The following FARS2 variants were observed in gnomAD, a reference collection of about 807,000 sequenced individuals.
FARS2 encodes the protein phenylalanyl-tRNA synthetase 2, mitochondrial.
In FARS2, 40 loss-of-function variants were observed where a neutral mutation model predicts 46.4. The observed-to-expected ratio is 0.86, with a 90% CI of 0.67 to 1.12. The LOEUF (loss-of-function observed/expected upper bound fraction) is 1.12, where lower values mean the gene tolerates loss of function less well. Ranked by LOEUF, FARS2 falls within the 50% of genes most tolerant of loss-of-function variation. The pLI, the probability that FARS2 is intolerant of heterozygous loss-of-function variation, is 0.00. For synonymous variants in FARS2, 234 were observed against 214.9 expected, an observed-to-expected ratio of 1.09 and a Z score of -0.78; for missense variants, 513 against 567.9, an observed-to-expected ratio of 0.90 and a Z score of 0.98.
At chr6:5,738,059 T>A (rs1761064730) in intron 6 of FARS2, among the ~76,000 whole-genome samples, 3 of 152,220 alleles carry the variant, frequency 2.0e-5, no homozygotes, top group South Asian at 4.1e-4. Context: ...CACGCAATCC[T>A]CCCACTTCAG....
At chr6:5,598,263 G>T (rs370470559) in intron 5 of FARS2, among the ~76,000 whole-genome samples, 1 of 152,232 alleles carries the variant, frequency 6.6e-6, no homozygotes, top group African/African-American at 2.4e-5. Flanking sequence ...CCTGCCTGTA[G>T]TTCCCGCTAC....
chr6:5,603,286 G>C (rs1347248702), intron 5 of FARS2, among the ~76,000 whole-genome samples: 1 of 152,102 alleles, frequency 6.6e-6, no homozygotes, highest in Non-Finnish European at 1.5e-5. Context: ...TTGTTAAAAT[G>C]GTTTTCGCCA....
intron 4 of FARS2, among the ~76,000 whole-genome samples, chr6:5,451,008 C>G (rs1484087374): frequency 1.3e-5 from 2 of 152,150 alleles, no homozygotes; most frequent in Non-Finnish European, 2.9e-5. Flanking sequence ...TGACAGGAAT[C>G]TAGTATTTTA....
intron 5 of FARS2, among the ~76,000 whole-genome samples, chr6:5,583,703 C>A (rs1773458457): frequency 6.6e-6 from 1 of 152,124 alleles, no homozygotes; most frequent in Non-Finnish European, 1.5e-5. Flanking sequence ...GAAACTGAGA[C>A]CTAGAAAGGT....
chr6:5,695,915 C>T (rs371654496), intron 6 of FARS2, among the ~76,000 whole-genome samples: 85 of 152,310 alleles, frequency 5.6e-4, no homozygotes, highest in African/African-American at 1.9e-3. Flanking sequence ...AAAAACTCTT[C>T]AACAGTCGGT....
chr6:5,522,729 A>T (rs941111180), intron 4 of FARS2, among the ~76,000 whole-genome samples: 1 of 152,210 alleles, frequency 6.6e-6, no homozygotes, highest in African/African-American at 2.4e-5. Context: ...GACTAACTGG[A>T]TGAATTTTCT....
chr6:5,469,603 A>G (rs1472072806), intron 4 of FARS2, among the ~76,000 whole-genome samples: 3 of 152,198 alleles, frequency 2.0e-5, no homozygotes, highest in African/African-American at 7.2e-5. Flanking sequence ...GGCATCTCTT[A>G]AAGGAACTGG....
intron 4 of FARS2, among the ~76,000 whole-genome samples, chr6:5,530,963 A>T (rs1769789900): frequency 6.7e-6 from 1 of 150,124 alleles, no homozygotes; most frequent in Admixed American, 6.7e-5. Flanking sequence ...TATAAATATT[A>T]ATAAATGTCA....
At chr6:5,403,126 T>G (rs1235278614) in intron 2 of FARS2, among the ~76,000 whole-genome samples, 8 of 152,232 alleles carry the variant, frequency 5.3e-5, no homozygotes, top group Admixed American at 2.0e-4. Context: ...GTCATTGTCT[T>G]TAGTCCTCAT....
intron 6 of FARS2, among the ~76,000 whole-genome samples, chr6:5,767,048 A>G (rs2150985451): frequency 6.6e-6 from 1 of 151,718 alleles, no homozygotes; most frequent in Non-Finnish European, 1.5e-5. Flanking sequence ...ACATTTTGTT[A>G]ATCCATCCAA....
At chr6:5,344,792 CTTT>C (rs757967957) in intron 1 of FARS2, among the ~76,000 whole-genome samples, 3 of 143,622 alleles carry the variant, frequency 2.1e-5, no homozygotes, top group Non-Finnish European at 3.1e-5. Flanking sequence ...TTTCTTTTCT[CTTT>C]TTTTTTTTTT....
chr6:5,286,981 T>G (rs989132878), intron 1 of FARS2, among the ~76,000 whole-genome samples: 1 of 152,260 alleles, frequency 6.6e-6, no homozygotes, highest in African/African-American at 2.4e-5. Flanking sequence ...CTCGCTGCAC[T>G]TGTGGCCCCA....
At chr6:5,724,881 T>G (rs773225689) in intron 6 of FARS2, among the ~76,000 whole-genome samples, 59 of 152,296 alleles carry the variant, frequency 3.9e-4, no homozygotes, top group Non-Finnish European at 6.9e-4. Flanking sequence ...ATATGTTAGG[T>G]CTACTCTGTG....
At chr6:5,356,717 A>G (rs916117669) in intron 1 of FARS2, among the ~76,000 whole-genome samples, 1 of 152,196 alleles carries the variant, frequency 6.6e-6, no homozygotes, top group Non-Finnish European at 1.5e-5. Context: ...CAAAAATGTG[A>G]CCAGAGGCTC....
chr6:5,719,135 C>G (rs1183132966), intron 6 of FARS2, among the ~76,000 whole-genome samples: 1 of 152,118 alleles, frequency 6.6e-6, no homozygotes, highest in Non-Finnish European at 1.5e-5. Context: ...ATAATCCCAG[C>G]ACTTTGGGAG....
intron 1 of FARS2, among the ~76,000 whole-genome samples, chr6:5,328,537 G>A (rs913526885): frequency 1.3e-5 from 2 of 152,098 alleles, no homozygotes; most frequent in African/African-American, 4.8e-5. Flanking sequence ...ATATGATGGG[G>A]GCCAATCTCT....
intron 5 of FARS2, among the ~76,000 whole-genome samples, chr6:5,560,646 C>G (rs936611300): frequency 6.6e-6 from 1 of 152,040 alleles, no homozygotes; most frequent in African/African-American, 2.4e-5. Context: ...TATGTTATTT[C>G]TTTCTTAAGT....
intron 1 of FARS2, among the ~76,000 whole-genome samples, chr6:5,283,093 C>A (rs926681238): frequency 1.3e-5 from 2 of 151,966 alleles, no homozygotes; most frequent in Non-Finnish European, 2.9e-5. Flanking sequence ...AAAAAAAATG[C>A]AGGATATGGT....
intron 5 of FARS2, among the ~76,000 whole-genome samples, chr6:5,576,638 T>TATTATATATATGATAC (rs1191678520): frequency 5.5e-5 from 8 of 146,544 alleles, no homozygotes; most frequent in Non-Finnish European, 7.5e-5. Flanking sequence ...TATTAACATA[T>TATTATATATATGATAC]ATATATATCC....
Sources: allele counts gnomAD v4.1 joint callset (sites outside exome capture counted in the v4.1 genomes callset), GRCh38; gene constraint gnomAD v4.1.1; transcripts MANE v1.5; gene names NCBI Gene and HGNC (gene_info 2026-07-23, HGNC 2026-07-21).